Variants in ALDH1A2 observed in about 807,000 individuals in gnomAD.
ALDH1A2 encodes retinal dehydrogenase 2.
Under a neutral mutation model 60.3 loss-of-function variants are expected in ALDH1A2, and 27 were observed. The ratio of observed to expected loss-of-function variants is 0.45; its 90% confidence interval spans 0.33 to 0.62. The LOEUF (loss-of-function observed/expected upper bound fraction) is 0.62. Ranked by LOEUF, ALDH1A2 falls within the 20% of genes least tolerant of loss-of-function variation. The probability of loss-of-function intolerance (pLI) is 0.02; values close to 1 mark genes in which losing one functional copy is unlikely to be tolerated. For missense variants in ALDH1A2, 581 were observed against 643.8 expected (o/e 0.90, Z 1.06); for synonymous variants, 289 against 232.4 (o/e 1.24, Z -2.21).
intron 1 of ALDH1A2, among the ~76,000 whole-genome samples, chr15:58,032,336 C>T (rs1896262306): frequency 1.3e-5 from 2 of 151,964 alleles, no homozygotes; most frequent in Non-Finnish European, 2.9e-5. Context: ...AGGGGAACAT[C>T]ACACACCGGG....
intron 7 of ALDH1A2, among the ~76,000 whole-genome samples, chr15:57,966,089 C>T (rs1893887723): frequency 6.6e-6 from 1 of 152,212 alleles, no homozygotes; most frequent in Non-Finnish European, 1.5e-5. Context: ...GAATCTTAAT[C>T]ACTGAAAGAT....
chr15:57,976,406 C>G (rs941415248), intron 7 of ALDH1A2, among the ~76,000 whole-genome samples: 2 of 152,158 alleles, frequency 1.3e-5, no homozygotes, highest in African/African-American at 2.4e-5. Context: ...AGCTATTTCT[C>G]CTAATGTTAT....
At chr15:57,960,222 C>G (rs1202647423) in intron 12 of ALDH1A2, among the ~76,000 whole-genome samples, 1 of 152,154 alleles carries the variant, frequency 6.6e-6, no homozygotes, top group East Asian at 1.9e-4. Context: ...CTCCATAGAC[C>G]AAGCACAGTG....
At chr15:57,992,393 C>A (rs757374349) in intron 7 of ALDH1A2, among the ~76,000 whole-genome samples, 13 of 152,212 alleles carry the variant, frequency 8.5e-5, no homozygotes, top group Admixed American at 2.0e-4. Context: ...TTACCAGAGA[C>A]TAGTTTAGAT....
At position 58,004,049 on chromosome 15, in the gene ALDH1A2, G is replaced by C. The variant is rs1439010587; in HGVS notation, c.493+6600C>G. On this transcript the variant is annotated intron_variant, in intron 4 of 12. Transcript: ENST00000249750. ...CTGTGGGCCTTGAGCGAAACAGAAT[G>C]AAGAGTGGTGGGAGAAATTTCCAAT... is the stretch of plus-strand genomic sequence containing the variant. Among the ~76,000 whole-genome samples, 3 of 151,872 alleles carry C rather than the reference G, an allele frequency of 2.0e-5. No individual in the cohort carries two copies. The East Asian group carries it at 5.8e-4, about 29-fold the overall frequency.
intron 4 of ALDH1A2, among the ~76,000 whole-genome samples, chr15:58,003,174 C>T (rs1267233165): frequency 6.6e-6 from 1 of 151,790 alleles, no homozygotes. Flanking sequence ...TCCCTGAGGC[C>T]CTTTTCAGCT....
rs1270885019 is a variant in ALDH1A2 at position 57,993,164 on chromosome 15, G to C, written c.556-91C>G. The C allele has an allele frequency of 2.7e-6, 4 of 1,466,872 alleles. No homozygotes were observed. In the African/African-American group the frequency reaches 5.6e-5, roughly 20 times the overall value. 90.9% of individuals were successfully genotyped at this position (1,466,872 alleles called of 1,614,324 possible). A position where few individuals can be genotyped will look rare whatever the true frequency, so the allele number is the denominator to read the frequency against. On this transcript the variant is annotated intron_variant, in intron 5 of 12. Transcript: ENST00000249750. ...GTGACTTCTCATATTTCTCAAACTA[G>C]TCCTCGACATAAATCTTGTCCACTA... is the stretch of plus-strand genomic sequence containing the variant.
chr15:58,016,953 A>T (rs1895805227), intron 1 of ALDH1A2, among the ~76,000 whole-genome samples: 1 of 152,144 alleles, frequency 6.6e-6, no homozygotes, highest in African/African-American at 2.4e-5. Flanking sequence ...TCTGCCCATA[A>T]TGGGATAAAG....
At chr15:58,037,255 AAG>A in intron 1 of ALDH1A2, among the ~76,000 whole-genome samples, 1 of 151,850 alleles carries the variant, frequency 6.6e-6, no homozygotes, top group Non-Finnish European at 1.5e-5. Context: ...GACCTCAGAA[AAG>A]AGAAAAAAAG....
rs546474003 is a variant in ALDH1A2 at position 57,963,501 on chromosome 15, G to A, written c.1086+384C>T. Reference sequence around the variant, plus strand: ...ATTACAGGTACCCGCCACCTCGCCCGGCTAATTTTTTTTTTGTATTTTTAG... The same window carrying A: ...ATTACAGGTACCCGCCACCTCGCCCAGCTAATTTTTTTTTTGTATTTTTAG... On this transcript the variant is annotated intron_variant, in intron 9 of 12. Coordinates refer to ENST00000249750, the MANE Select transcript of ALDH1A2 (RefSeq NM_003888.4). Among the ~76,000 whole-genome samples the A allele has an allele frequency of 7.9e-5, 12 of 151,922 alleles. No homozygotes were observed. In the South Asian group the frequency reaches 1.5e-3, roughly 18 times the overall value.
At chr15:58,024,681 A>G (rs1323131857) in intron 1 of ALDH1A2, among the ~76,000 whole-genome samples, 2 of 152,180 alleles carry the variant, frequency 1.3e-5, no homozygotes, top group African/African-American at 4.8e-5. Flanking sequence ...AAAGCACTGG[A>G]TTTAAACTAG....
intron 7 of ALDH1A2, among the ~76,000 whole-genome samples, chr15:57,973,112 C>T (rs1424408983): frequency 1.3e-5 from 2 of 152,198 alleles, no homozygotes; most frequent in African/African-American, 4.8e-5. Flanking sequence ...ATGGTCTCTC[C>T]ACTATCTTGC....
chr15:57,968,489 C>G (rs1893963844), intron 7 of ALDH1A2, among the ~76,000 whole-genome samples: 1 of 152,206 alleles, frequency 6.6e-6, no homozygotes. Flanking sequence ...TGTCATTTTT[C>G]TGTTCTCTTT....
intron 4 of ALDH1A2, among the ~76,000 whole-genome samples, chr15:58,004,990 AT>A (rs1895402803): frequency 6.6e-6 from 1 of 151,896 alleles, no homozygotes; most frequent in Non-Finnish European, 1.5e-5. Flanking sequence ...AATTCCTAAA[AT>A]GTAATTTTGA....
chr15:57,993,219 CTTCA>C, intron 5 of ALDH1A2, 146 bp from the exon 6 acceptor site: 1 of 1,014,884 alleles, frequency 9.9e-7, no homozygotes, highest in Non-Finnish European at 1.5e-6. Context: ...TTTTCAATTA[CTTCA>C]TTAAGAATAG....
chr15:57,989,987 G>A (rs566160871), intron 7 of ALDH1A2, among the ~76,000 whole-genome samples: 229 of 50,176 alleles, frequency 4.6e-3, no homozygotes, highest in Non-Finnish European at 9.7e-3. Context: ...GCGACAGAGC[G>A]AGACTCCGTC....
intron 2 of ALDH1A2, 66 bp downstream of exon 2, chr15:58,014,111 T>G: frequency 6.2e-7 from 1 of 1,613,996 alleles, no homozygotes; most frequent in Non-Finnish European, 8.5e-7. Flanking sequence ...TGAGAGCATA[T>G]GTTTGCTGCT....
At chr15:58,029,672 G>C (rs1033981132) in intron 1 of ALDH1A2, among the ~76,000 whole-genome samples, 1 of 150,672 alleles carries the variant, frequency 6.6e-6, no homozygotes, top group Non-Finnish European at 1.5e-5. Flanking sequence ...TAATAAAAAA[G>C]AGAGAAAAAT....
intron 4 of ALDH1A2, among the ~76,000 whole-genome samples, chr15:58,004,693 T>TTGTGTG (rs138706461): frequency 0.25 from 33,807 of 136,206 alleles, 4,929 homozygotes; most frequent in Non-Finnish European, 0.33. Context: ...ATCCCATGAT[T>TTGTGTG]TGTGTGTGTG....
Sources: gnomAD v4.1 joint callset for allele counts (sites outside exome capture counted in the v4.1 genomes callset) on GRCh38, gnomAD v4.1.1 for gene constraint, MANE v1.5 for transcripts, NCBI Gene and HGNC (gene_info 2026-07-23, HGNC 2026-07-21) for gene names.